PTPRQ: variants seen among roughly 807,000 people sequenced by gnomAD.
The protein encoded by PTPRQ is phosphatidylinositol phosphatase PTPRQ.
PTPRQ carries 199 observed loss-of-function variants against 246.0 expected under a neutral mutation model. The ratio of observed to expected loss-of-function variants is 0.81; its 90% CI spans 0.72 to 0.91. The LOEUF is 0.91. Among genes scored for constraint, PTPRQ ranks in the 40% least tolerant of loss-of-function variants. PTPRQ has a pLI of 0.00. For missense variants in PTPRQ, 2,624 were observed against 2,528.4 expected (o/e 1.04, Z -0.81); for synonymous variants, 869 against 853.2 (o/e 1.02, Z -0.32).
chr12:80,659,550 G>T (rs574921831), intron 39 of PTPRQ, among the ~76,000 whole-genome samples: 1 of 152,076 alleles, frequency 6.6e-6, no homozygotes, highest in South Asian at 2.1e-4. Context: ...GACAGTACAG[G>T]ATATGAATAT....
chr12:80,610,644 C>A lies in PTPRQ; in HGVS notation c.4918+19C>A. On this transcript the variant is annotated intron_variant, in intron 28 of 44. Coordinates refer to ENST00000644991, the MANE Select transcript of PTPRQ (RefSeq NM_001145026.2). ...GAATCAGGTAAGGAGAATTTCTCAA[C>A]CTTGCTAAAAATTGACTGAGATTTA... The A allele has an allele frequency of 6.5e-7, 1 of 1,538,322 alleles. No homozygotes were observed. Among genetic ancestry groups the A allele is most frequent in the Non-Finnish European group, 8.8e-7 (1 of 1,138,994 alleles).
At chr12:80,557,810 C>G (rs933666585) in intron 25 of PTPRQ, among the ~76,000 whole-genome samples, 1 of 152,126 alleles carries the variant, frequency 6.6e-6, no homozygotes, top group African/African-American at 2.4e-5. Context: ...ACCTTTCCAT[C>G]AGAATAATCC....
rs540220998 is a variant in PTPRQ, at chr12:80,592,812, T to C, written c.4609+4360T>C. Among the ~76,000 whole-genome samples, 4 of 152,146 alleles carry C rather than the reference T, an allele frequency of 2.6e-5. No individual in the cohort carries two copies. In the East Asian group the frequency reaches 7.7e-4, roughly 29 times the overall value. ...ATCATTTGAGGTCAGGAATTTGAAA[T>C]CAGCCTTTCCAACATGGTGAAACCC... On this transcript the variant is annotated intron_variant, in intron 26 of 44. Transcript: ENST00000644991.
chr12:80,496,364 T>C lies in PTPRQ; in HGVS notation c.2105T>C (p.Leu702Pro), dbSNP rs1171656295. ...GGGATCATTATTGCTTATGAAGTGC[T>C]ATATAAAAATATAGATACTTTATAT... ...PNGIIIAYEV[L>P]YKNIDTLYMK... Residue 702 changes from leucine (L) to proline (P), a missense_variant, in exon 14 of 45, where the codon CTA becomes CCA. Physicochemically the swap from Leu to Pro is moderately conservative, Grantham distance 98. Coordinates refer to ENST00000644991, the MANE Select transcript of PTPRQ (RefSeq NM_001145026.2). 9 of 1,550,514 alleles carry C rather than the reference T, an allele frequency of 5.8e-6. No individual in the cohort carries two copies. The highest frequency in any genetic ancestry group is 7.9e-6 in the Non-Finnish European group (9 of 1,146,332).
intron 17 of PTPRQ, among the ~76,000 whole-genome samples, chr12:80,526,383 A>C (rs990611866): frequency 5.9e-5 from 9 of 152,304 alleles, no homozygotes; most frequent in African/African-American, 2.2e-4. Context: ...AAAGACTATT[A>C]GTGTGGTTTT....
chr12:80,678,857 T>C, intron 44 of PTPRQ, 129 bp from the exon 45 acceptor site: 1 of 1,425,450 alleles, frequency 7.0e-7, no homozygotes, highest in Non-Finnish European at 9.2e-7. Flanking sequence ...TTTTTTTCTT[T>C]AACTTTTCTC....
At chr12:80,467,506 G>A (rs1289545899) in intron 6 of PTPRQ, among the ~76,000 whole-genome samples, 2 of 152,002 alleles carry the variant, frequency 1.3e-5, no homozygotes, top group Non-Finnish European at 2.9e-5. Context: ...CCCATTACTG[G>A]GTATATACCC....
At position 80,648,903 on chromosome 12, in the gene PTPRQ, T is replaced by C. The variant is rs1219546410; in HGVS notation, c.5922T>C (p.Leu1974=). ...ELKDERLTRL[L]SYRKSIKPIS... The stretch of plus-strand genomic sequence containing the variant: ...AACACAATCTCTATTGCAGGTTACT[T>C]AGTTATAGAAAATCCATCAAGTAAG... The change falls in exon 36 of 45, where the codon CTT becomes CTC. Residue 1974 remains leucine, a synonymous_variant. Transcript: ENST00000644991. 6.5e-7 allele frequency: 1 copy of C among 1,529,800 alleles called. No homozygotes were observed. The highest frequency in any genetic ancestry group is 1.3e-5 in the South Asian group (1 of 79,270). 94.8% of individuals were successfully genotyped at this position (1,529,800 alleles called of 1,614,324 possible).
At chr12:80,599,862 A>G (rs775353120) in intron 26 of PTPRQ, among the ~76,000 whole-genome samples, 1 of 150,672 alleles carries the variant, frequency 6.6e-6, no homozygotes, top group Non-Finnish European at 1.5e-5. Flanking sequence ...TATATTATAT[A>G]TTAATATATA....
intron 17 of PTPRQ, among the ~76,000 whole-genome samples, chr12:80,521,310 G>C (rs552955861): frequency 6.6e-6 from 1 of 152,142 alleles, no homozygotes; most frequent in African/African-American, 2.4e-5. Context: ...CATTCTGAAG[G>C]TTGCCTGTTC....
chr12:80,445,521 A>C lies in PTPRQ; in HGVS notation c.194A>C (p.Glu65Ala), dbSNP rs1451309800. The change falls in exon 3 of 45, where the codon GAA (glutamate) becomes GCA (alanine). Residue 65 changes from glutamate to alanine, a missense_variant. Transcript: ENST00000644991. Reference sequence around the variant, plus strand: ...GGGCCTCCAGTCTTCCTAGCCGGGGAAAGAGTCGGATCTGCTGGGATTCTT... The same window carrying C: ...GGGCCTCCAGTCTTCCTAGCCGGGGCAAGAGTCGGATCTGCTGGGATTCTT... ...KPGPPVFLAG[E>A]RVGSAGILLS... is the part of the protein sequence containing the mutation. 6.5e-7 allele frequency: 1 copy of C among 1,547,228 alleles called. No homozygotes were observed. The highest frequency in any genetic ancestry group is 8.7e-7 in the Non-Finnish European group (1 of 1,145,142).
rs80134351 is a variant in PTPRQ at position 80,631,474 on chromosome 12, C to T, written c.5687-718C>T. On this transcript the variant is annotated intron_variant, in intron 33 of 44. Coordinates refer to ENST00000644991, the MANE Select transcript of PTPRQ (RefSeq NM_001145026.2). ...TTAAATATAAGGCTTGAATTCTTCC[C>T]TCTTTGGCCAGTAGGAGCCCCTTCA... Among the ~76,000 whole-genome samples the T allele has an allele frequency of 6.3e-3, 963 of 151,954 alleles. 10 individuals carry two copies. The highest frequency in any genetic ancestry group is 0.022 in the African/African-American group (928 of 41,422).
At position 80,513,196 on chromosome 12, in the gene PTPRQ, T is replaced by A. The variant is rs530147608; in HGVS notation, c.2678+2753T>A. ...CTTGCCTTGGAGTACCAGAACTGGATCACACGTGGGCTTGGAGAGCACGAT... is the reference window on the plus strand; with the variant it reads ...CTTGCCTTGGAGTACCAGAACTGGAACACACGTGGGCTTGGAGAGCACGAT... On this transcript the variant is annotated intron_variant, in intron 17 of 44. Coordinates refer to ENST00000644991, the MANE Select transcript of PTPRQ (RefSeq NM_001145026.2). Among the ~76,000 whole-genome samples the A allele has an allele frequency of 2.0e-5, 3 of 152,218 alleles. No homozygotes were observed. The South Asian group carries it at 6.2e-4, about 32-fold the overall frequency.
intron 33 of PTPRQ, among the ~76,000 whole-genome samples, chr12:80,629,455 C>T (rs1450802724): frequency 2.0e-5 from 3 of 152,188 alleles, no homozygotes; most frequent in Admixed American, 6.5e-5. Context: ...GGCATACACA[C>T]CTTTGCAGGC....
At chr12:80,656,635 G>A (rs113047748) in intron 38 of PTPRQ, among the ~76,000 whole-genome samples, 1 of 151,952 alleles carries the variant, frequency 6.6e-6, no homozygotes, top group Non-Finnish European at 1.5e-5. Context: ...AATGAGTACA[G>A]GGTATCTAGT....
At chr12:80,454,545 C>T in intron 3 of PTPRQ, 1 of 702,322 alleles carries the variant, frequency 1.4e-6, no homozygotes, top group African/African-American at 1.7e-5. Context: ...ACTTTTGTTG[C>T]ATTTCTTAGG....
At chr12:80,508,549 C>A (rs1166715508) in intron 16 of PTPRQ, among the ~76,000 whole-genome samples, 3 of 151,876 alleles carry the variant, frequency 2.0e-5, no homozygotes, top group African/African-American at 7.3e-5. Flanking sequence ...AGTCCTCATG[C>A]CAGGTAGAGG....
At chr12:80,447,310 G>A (rs1203590571) in intron 3 of PTPRQ, among the ~76,000 whole-genome samples, 1 of 151,942 alleles carries the variant, frequency 6.6e-6, no homozygotes, top group Non-Finnish European at 1.5e-5. Flanking sequence ...CTTGTTGGAA[G>A]CATAATTTGC....
chr12:80,627,309 C>T (rs1197535079), intron 33 of PTPRQ, among the ~76,000 whole-genome samples: 2 of 149,464 alleles, frequency 1.3e-5, no homozygotes, highest in Non-Finnish European at 3.0e-5. Flanking sequence ...AAGATGAACT[C>T]CCTATACTTT....
Sources: gnomAD v4.1 joint callset for allele counts (sites outside exome capture counted in the v4.1 genomes callset) on GRCh38, gnomAD v4.1.1 for gene constraint, MANE v1.5 for transcripts, NCBI Gene and HGNC (gene_info 2026-07-23, HGNC 2026-07-21) for gene names.